MAGI2: variants seen among roughly 807,000 people sequenced by gnomAD.
MAGI2 encodes membrane-associated guanylate kinase, WW and PDZ domain-containing protein 2.
In MAGI2, 35 loss-of-function variants were observed where a neutral mutation model predicts 133.3. That is an observed-to-expected ratio of 0.26 (90% CI 0.20 to 0.35). MAGI2 has a LOEUF of 0.35. Among genes scored for constraint, MAGI2 ranks in the 10% least tolerant of loss-of-function variants. MAGI2 has a pLI of 1.00. For missense variants in MAGI2, 1,636 were observed against 1,863.4 expected (o/e 0.88, Z 2.25); for synonymous variants, 729 against 710.6 (o/e 1.03, Z -0.41).
At chr7:78,128,198 A>G (rs1326795346) in intron 18 of MAGI2, among the ~76,000 whole-genome samples, 1 of 152,224 alleles carries the variant, frequency 6.6e-6, no homozygotes, top group African/African-American at 2.4e-5. Flanking sequence ...AAACACAGAG[A>G]TGAGAGCTAG....
At chr7:78,238,727 A>G (rs1790819609) in intron 10 of MAGI2, among the ~76,000 whole-genome samples, 1 of 152,106 alleles carries the variant, frequency 6.6e-6, no homozygotes, top group Non-Finnish European at 1.5e-5. Flanking sequence ...GCCTGTTTCC[A>G]TCCTTGCTCA....
intron 2 of MAGI2, among the ~76,000 whole-genome samples, chr7:78,950,706 G>T (rs1442007027): frequency 6.6e-5 from 10 of 152,004 alleles, no homozygotes; most frequent in Admixed American, 6.6e-4. Context: ...ATAAGGACTT[G>T]TTCATTTGTA....
chr7:78,819,215 T>C (rs1246410548), intron 2 of MAGI2, among the ~76,000 whole-genome samples: 1 of 152,134 alleles, frequency 6.6e-6, no homozygotes, highest in African/African-American at 2.4e-5. Context: ...ATCTCCTACA[T>C]CACAAAGTGT....
At chr7:78,063,978 CCTCT>C (rs945514214) in intron 21 of MAGI2, among the ~76,000 whole-genome samples, 1 of 151,958 alleles carries the variant, frequency 6.6e-6, no homozygotes, top group Non-Finnish European at 1.5e-5. Flanking sequence ...CACAAAGAGC[CCTCT>C]CTCTCTTTTT....
At chr7:78,599,924 G>C (rs1016584250) in intron 3 of MAGI2, among the ~76,000 whole-genome samples, 20 of 152,260 alleles carry the variant, frequency 1.3e-4, no homozygotes, top group African/African-American at 4.6e-4. Flanking sequence ...CCTTTCGTGT[G>C]AACTTTGGAA....
At position 78,538,711 on chromosome 7, in the gene MAGI2, G is replaced by A. The variant is rs116913511; in HGVS notation, c.539-17066C>T. Among the ~76,000 whole-genome samples the A allele has an allele frequency of 1.9e-3, 295 of 152,258 alleles. 4 individuals are homozygous for A. In the East Asian group the frequency reaches 0.05, roughly 26 times the overall value. On this transcript the variant is annotated intron_variant, in intron 3 of 21. Transcript: ENST00000354212. Reference sequence around the variant, plus strand: ...GTGATTTTATATCTGAAACTTCACTGAATTCATTTATCAGATCTAGGAGCT... The same window carrying A: ...GTGATTTTATATCTGAAACTTCACTAAATTCATTTATCAGATCTAGGAGCT...
At chr7:78,033,328 CTGGGTG>C (rs1809796055) in intron 21 of MAGI2, among the ~76,000 whole-genome samples, 2 of 151,818 alleles carry the variant, frequency 1.3e-5, no homozygotes, top group South Asian at 2.1e-4. Context: ...AATAAATTAG[CTGGGTG>C]CGGTGGTGGG....
chr7:78,296,641 G>GA (rs1797275273), intron 9 of MAGI2, among the ~76,000 whole-genome samples: 1 of 152,156 alleles, frequency 6.6e-6, no homozygotes, highest in Non-Finnish European at 1.5e-5. Context: ...AAACTCAGTA[G>GA]AATATAGAAG....
intron 2 of MAGI2, among the ~76,000 whole-genome samples, chr7:78,957,003 C>T (rs1802431095): frequency 6.6e-6 from 1 of 151,990 alleles, no homozygotes; most frequent in African/African-American, 2.4e-5. Flanking sequence ...GTAGCTCACG[C>T]CTGTAATCCC....
At position 79,453,052 on chromosome 7, in the gene MAGI2, T is replaced by C; in HGVS notation, c.269A>G (p.Lys90Arg). ...RDVLAVIKHCKDPLRLKCVKQ... is the reference protein window; with the variant it reads ...RDVLAVIKHCRDPLRLKCVKQ... The stretch of plus-strand genomic sequence containing the variant: ...GACACACTTGAGCCGGAGGGGGTCC[T>C]TGCAGTGTTTGATCACGGCCAGCAC... The change falls in exon 1 of 22, where the codon AAG (lysine) becomes AGG (arginine). Residue 90 changes from lysine (K) to arginine (R), a missense_variant. Physicochemically the swap from Lys to Arg is conservative, Grantham distance 26. Coordinates refer to ENST00000354212, the MANE Select transcript of MAGI2 (RefSeq NM_012301.4). 1.9e-6 allele frequency: 3 copies of C among 1,608,698 alleles called. 1 individual carries two copies. The highest frequency in any genetic ancestry group is 2.2e-5 in the South Asian group (2 of 90,228).
chr7:78,931,187 T>A (rs1368939147), intron 2 of MAGI2, among the ~76,000 whole-genome samples: 1 of 152,090 alleles, frequency 6.6e-6, no homozygotes, highest in Non-Finnish European at 1.5e-5. Flanking sequence ...AGAGTGGCAG[T>A]CATTCTTATA....
rs1400259378 is a variant in MAGI2, at chr7:79,278,569, CTTTGACTG to C, written c.301+174443_301+174450del. ...CCTTTCAAGTCTTGGCTAAAATCCT[CTTTGACTG>C]TTTGACTGGGCTGGTGCAGTTTCTC... On this transcript the variant is annotated intron_variant, in intron 1 of 21. Transcript: ENST00000354212. 2.0e-5 allele frequency among the ~76,000 whole-genome samples: 3 copies of C among 152,144 alleles called. No homozygotes were observed. The East Asian group carries it at 5.8e-4, about 29-fold the overall frequency.
At chr7:78,547,646 G>GGC (rs1341815720) in intron 3 of MAGI2, among the ~76,000 whole-genome samples, 4 of 152,138 alleles carry the variant, frequency 2.6e-5, no homozygotes, top group South Asian at 2.1e-4. Context: ...TCTATCACAA[G>GGC]GCACGCGCGC....
chr7:78,941,352 G>GTATT (rs1297129603), intron 2 of MAGI2, among the ~76,000 whole-genome samples: 2 of 152,056 alleles, frequency 1.3e-5, no homozygotes, highest in African/African-American at 2.4e-5. Context: ...ATTTCTTTTT[G>GTATT]TATTTATTTA....
intron 6 of MAGI2, among the ~76,000 whole-genome samples, chr7:78,422,250 C>T (rs6975027): frequency 0.19 from 29,489 of 151,930 alleles, 4,062 homozygotes; most frequent in African/African-American, 0.39. Context: ...GCGGTACATG[C>T]GTATTCTCAT....
At chr7:78,870,391 A>G (rs1794938725) in intron 2 of MAGI2, among the ~76,000 whole-genome samples, 1 of 151,826 alleles carries the variant, frequency 6.6e-6, no homozygotes, top group Admixed American at 6.6e-5. Flanking sequence ...GGCAAACGAC[A>G]TGAATAGACA....
At chr7:78,246,070 C>T (rs1791750796) in intron 10 of MAGI2, among the ~76,000 whole-genome samples, 1 of 152,162 alleles carries the variant, frequency 6.6e-6, no homozygotes, top group Non-Finnish European at 1.5e-5. Flanking sequence ...CTATCTACCC[C>T]TCCCAGTGGT....
At chr7:78,665,633 A>G (rs920544107) in intron 2 of MAGI2, among the ~76,000 whole-genome samples, 1 of 152,170 alleles carries the variant, frequency 6.6e-6, no homozygotes, top group Non-Finnish European at 1.5e-5. Context: ...AGTGGTTCTT[A>G]AAAACAAGAG....
chr7:78,370,679 A>C (rs976989753), intron 6 of MAGI2, among the ~76,000 whole-genome samples: 3 of 152,062 alleles, frequency 2.0e-5, no homozygotes, highest in Middle Eastern at 3.4e-3. Context: ...TGTACCATCA[A>C]ATTAAATACA....
Sources: allele counts gnomAD v4.1 joint callset (sites outside exome capture counted in the v4.1 genomes callset), GRCh38; gene constraint gnomAD v4.1.1; transcripts MANE v1.5; gene names NCBI Gene and HGNC (gene_info 2026-07-23, HGNC 2026-07-21).